TEKT5: variants seen among roughly 807,000 people sequenced by gnomAD.
TEKT5 encodes tektin-5.
TEKT5 carries 52 observed loss-of-function variants against 48.7 expected under a neutral mutation model. That is an observed-to-expected ratio of 1.07 (90% confidence interval 0.86 to 1.35). TEKT5 has a LOEUF of 1.35. TEKT5 is among the 40% of genes most tolerant of loss of function. The probability of loss-of-function intolerance (pLI) is 0.00; values close to 1 mark genes in which losing one functional copy is unlikely to be tolerated. For missense variants in TEKT5, 831 were observed against 641.6 expected (o/e 1.30, Z -3.19); for synonymous variants, 318 against 267.6 (o/e 1.19, Z -1.84).
intron 4 of TEKT5, among the ~76,000 whole-genome samples, chr16:10,676,893 T>C (rs928737630): frequency 6.6e-6 from 1 of 152,052 alleles, no homozygotes; most frequent in African/African-American, 2.4e-5. Context: ...TGGGAAGGGA[T>C]TTAGAAACTG....
chr16:10,628,197 T>G (rs552991427), intron 6 of TEKT5, among the ~76,000 whole-genome samples: 10 of 152,284 alleles, frequency 6.6e-5, no homozygotes, highest in African/African-American at 2.4e-4. Flanking sequence ...CACTGGGAAC[T>G]GTGCCTGGCA....
At chr16:10,681,026 T>C (rs1046528724) in intron 4 of TEKT5, among the ~76,000 whole-genome samples, 1 of 110,654 alleles carries the variant, frequency 9.0e-6, no homozygotes. Flanking sequence ...AATAAATAAA[T>C]AAATAAGAAA....
chr16:10,670,919 T>G (rs1898539069), intron 5 of TEKT5, among the ~76,000 whole-genome samples: 1 of 152,162 alleles, frequency 6.6e-6, no homozygotes, highest in African/African-American at 2.4e-5. Flanking sequence ...ATTTTAATTT[T>G]TTAGAGACAA....
intron 5 of TEKT5, among the ~76,000 whole-genome samples, chr16:10,664,380 G>C (rs1898424901): frequency 6.6e-6 from 1 of 152,240 alleles, no homozygotes; most frequent in African/African-American, 2.4e-5. Flanking sequence ...CCCACTGGCA[G>C]ACTTTCTGAT....
intron 5 of TEKT5, among the ~76,000 whole-genome samples, chr16:10,663,734 C>G (rs954752545): frequency 6.6e-6 from 1 of 152,210 alleles, no homozygotes; most frequent in Non-Finnish European, 1.5e-5. Flanking sequence ...TCCCTGGTCT[C>G]TACCCACTAG....
intron 3 of TEKT5, 73 bp from the exon 4 acceptor site, chr16:10,682,209 G>A: frequency 1.3e-6 from 2 of 1,540,150 alleles, no homozygotes; most frequent in South Asian, 2.5e-5. Context: ...CACAGCAGGT[G>A]TGTGTTGCAA....
chr16:10,652,094 T>C (rs1332683964), intron 5 of TEKT5, among the ~76,000 whole-genome samples: 1 of 152,222 alleles, frequency 6.6e-6, no homozygotes, highest in Non-Finnish European at 1.5e-5. Context: ...GCAGGGATCA[T>C]AATCATTCCT....
intron 5 of TEKT5, among the ~76,000 whole-genome samples, chr16:10,651,452 T>C (rs950533745): frequency 1.3e-5 from 2 of 152,204 alleles, no homozygotes; most frequent in African/African-American, 4.8e-5. Context: ...TCTGTTTTGC[T>C]CCCTTCTGAA....
chr16:10,655,726 T>G (rs1425322140), intron 5 of TEKT5, among the ~76,000 whole-genome samples: 2 of 152,216 alleles, frequency 1.3e-5, no homozygotes, highest in South Asian at 2.1e-4. Flanking sequence ...GGTATCTTCC[T>G]GCTAGCTCAA....
chr16:10,649,075 G>A (rs1439102415), intron 5 of TEKT5, among the ~76,000 whole-genome samples: 6 of 151,552 alleles, frequency 4.0e-5, no homozygotes, highest in Non-Finnish European at 7.4e-5. Flanking sequence ...TCAGCCACCT[G>A]AGTAACTGGT....
At chr16:10,637,978 T>C (rs1265337716) in intron 5 of TEKT5, among the ~76,000 whole-genome samples, 1 of 152,122 alleles carries the variant, frequency 6.6e-6, no homozygotes, top group Non-Finnish European at 1.5e-5. Context: ...ACCTGGCTAA[T>C]TGTTTAATTT....
intron 2 of TEKT5, among the ~76,000 whole-genome samples, chr16:10,689,676 T>C (rs1898931158): frequency 6.6e-6 from 1 of 152,126 alleles, no homozygotes; most frequent in Non-Finnish European, 1.5e-5. Context: ...ATATAGTAGG[T>C]GCTCAATAAA....
At chr16:10,674,073 C>T (rs1018971473) in intron 5 of TEKT5, among the ~76,000 whole-genome samples, 2 of 152,154 alleles carry the variant, frequency 1.3e-5, no homozygotes, top group African/African-American at 2.4e-5. Context: ...CCCCATTGCT[C>T]TTAGGTAGGA....
intron 4 of TEKT5, among the ~76,000 whole-genome samples, chr16:10,679,374 T>C (rs991520123): frequency 8.6e-5 from 13 of 151,008 alleles, no homozygotes; most frequent in Non-Finnish European, 1.3e-4. Context: ...GGAGAATCAC[T>C]TGAACCTGGG....
At chr16:10,636,690 C>CGTGTGTGTGT (rs34623422) in intron 5 of TEKT5, among the ~76,000 whole-genome samples, 130 of 145,284 alleles carry the variant, frequency 8.9e-4, no homozygotes, top group East Asian at 2.0e-3. Flanking sequence ...TACATACATA[C>CGTGTGTGTGT]GTGTGTGTGT....
At chr16:10,679,472 G>T (rs1052098072) in intron 4 of TEKT5, among the ~76,000 whole-genome samples, 1 of 151,236 alleles carries the variant, frequency 6.6e-6, no homozygotes, top group Non-Finnish European at 1.5e-5. Context: ...AAAAAAAAAG[G>T]TGTCTACTGC....
chr16:10,694,784 T>G lies in TEKT5; in HGVS notation c.90A>C (p.Pro30=). The part of the protein sequence containing the change: ...GLTSLPAVQA[P]VIQECYQPYY... ...AGGGCTGATAGCATTCCTGGATCAC[T>G]GGCGCCTGTACAGCTGGCAGTGAGG... The change falls in exon 1 of 7, where the codon CCA becomes CCC. Residue 30 remains proline (P), a synonymous_variant. Transcript: ENST00000283025. The G allele has an allele frequency of 2.5e-6, 4 of 1,613,764 alleles. No individual in the cohort carries two copies. Among genetic ancestry groups the G allele is most frequent in the Non-Finnish European group, 8.5e-7 (1 of 1,179,836 alleles).
intron 5 of TEKT5, among the ~76,000 whole-genome samples, chr16:10,666,234 AGGGCAATT>A (rs1206693660): frequency 6.6e-6 from 1 of 152,108 alleles, no homozygotes; most frequent in African/African-American, 2.4e-5. Flanking sequence ...AGTTTATAAG[AGGGCAATT>A]GGCCTGTTCA....
chr16:10,659,672 TA>T (rs1235531526), intron 5 of TEKT5, among the ~76,000 whole-genome samples: 1 of 152,154 alleles, frequency 6.6e-6, no homozygotes. Context: ...TACCTCACTT[TA>T]AAAAAAGTTT....
Sources: gnomAD v4.1 joint callset for allele counts (sites outside exome capture counted in the v4.1 genomes callset) on GRCh38, gnomAD v4.1.1 for gene constraint, MANE v1.5 for transcripts, NCBI Gene and HGNC (gene_info 2026-07-23, HGNC 2026-07-21) for gene names.